Variants in TMEM44 observed in about 807,000 individuals in gnomAD.
TMEM44 encodes transmembrane protein 44.
A neutral mutation model predicts 47.8 loss-of-function variants in TMEM44; 43 were observed. The ratio of observed to expected loss-of-function variants is 0.90; its 90% CI spans 0.70 to 1.16. TMEM44 has a LOEUF of 1.16. Ranked by LOEUF, TMEM44 falls within the 50% of genes most tolerant of loss-of-function variation. The pLI is 0.00. For missense variants in TMEM44, 568 were observed against 555.2 expected (o/e 1.02, Z -0.23); for synonymous variants, 277 against 238.8 (o/e 1.16, Z -1.48).
At chr3:194,593,988 A>AT (rs926314799) in intron 9 of TMEM44, among the ~76,000 whole-genome samples, 2 of 151,448 alleles carry the variant, frequency 1.3e-5, no homozygotes, top group African/African-American at 2.4e-5. Context: ...CATTTATTTT[A>AT]TTTTTTTAGT....
Position 194,615,616 on chromosome 3 carries a change from T to G in TMEM44, c.865A>C (p.Thr289Pro), listed in dbSNP as rs1452479379. ...TCTGCACAGGTCAAAAGGGCTTGGG[T>G]GTCAGGGCTCTCTCTGGCTTCCTTG... ...FAKEARESPD[T>P]QALLTCAEKE... The change falls in exon 7 of 10, where the codon ACC (threonine) becomes CCC (proline). Residue 289 changes from threonine (T) to proline (P), a missense_variant. Thr to Pro is a conservative substitution (Grantham distance 38). Transcript: ENST00000347147. The G allele has an allele frequency of 1.9e-6, 3 of 1,614,150 alleles. No homozygotes were observed. In the South Asian group the frequency reaches 3.3e-5, roughly 18 times the overall value.
At position 194,611,251 on chromosome 3, in the gene TMEM44, T is replaced by C. The variant is rs898013423; in HGVS notation, c.913-231A>G. Reference sequence around the variant, plus strand: ...GCAACACAGTAGAATCAGCTAGGAATCTTTTTTATTTTATTTTATTTTTTG... The same window carrying C: ...GCAACACAGTAGAATCAGCTAGGAACCTTTTTTATTTTATTTTATTTTTTG... On this transcript the variant is annotated intron_variant, in intron 7 of 9. Transcript: ENST00000347147. The surrounding 1 kb of genome is among the most constrained non-coding windows in gnomAD (Gnocchi z 4.2). Among the ~76,000 whole-genome samples the C allele has an allele frequency of 6.6e-6, 1 of 152,194 alleles. No individual in the cohort carries two copies. The highest frequency in any genetic ancestry group is 2.4e-5 in the African/African-American group (1 of 41,436).
intron 9 of TMEM44, among the ~76,000 whole-genome samples, chr3:194,594,125 A>ATCTGTCTGTCTGTCTGTCTGTCTGTCTG (rs1484301999): frequency 3.3e-5 from 3 of 91,716 alleles, no homozygotes; most frequent in East Asian, 6.7e-4. Flanking sequence ...TTTTCTATCT[A>ATCTGTCTGTCTGTCTGTCTGTCTGTCTG]TCTATCTATC....
intron 9 of TMEM44, chr3:194,589,104 ATCC>A (rs1712247504): frequency 6.1e-6 from 1 of 162,682 alleles, no homozygotes; most frequent in Non-Finnish European, 1.3e-5. Flanking sequence ...GACTCAAGCA[ATCC>A]TCCTGCTTCA....
chr3:194,633,134 T>G lies in TMEM44; in HGVS notation c.82A>C (p.Ile28Leu), dbSNP rs1177286175. The G allele has an allele frequency of 3.2e-6, 5 of 1,551,506 alleles. No individual in the cohort carries two copies. The highest frequency in any genetic ancestry group is 3.9e-5 in the Admixed American group (2 of 51,440). ...GCGCAGATCCACAGGCCGAAGGAGA[T>G]GCAGACGCGGTGGCGGGCGAAGCAG... ...DRCFARHRVCISFGLWICASS... is the reference protein window; with the variant it reads ...DRCFARHRVCLSFGLWICASS... The change falls in exon 1 of 10, where the codon ATC (isoleucine) becomes CTC (leucine). Residue 28 changes from isoleucine (I) to leucine (L), a missense_variant. Physicochemically the swap from Ile to Leu is conservative, Grantham distance 5. Transcript: ENST00000347147.
At chr3:194,589,633 T>C (rs73195026) in intron 9 of TMEM44, 10,463 of 152,140 alleles carry the variant, frequency 0.069, 472 homozygotes, top group African/African-American at 0.13. Flanking sequence ...TCAGGTGGGT[T>C]TGGGAAGTTG....
intron 9 of TMEM44, among the ~76,000 whole-genome samples, chr3:194,599,098 C>T (rs1713762584): frequency 6.6e-6 from 1 of 152,212 alleles, no homozygotes; most frequent in African/African-American, 2.4e-5. Context: ...TTATGCAATT[C>T]TCTTGGGAGC....
chr3:194,618,005 C>T (rs7621122), intron 5 of TMEM44, among the ~76,000 whole-genome samples: 58,062 of 152,092 alleles, frequency 0.38, 12,111 homozygotes, highest in East Asian at 0.84. Flanking sequence ...AGAAGCCCAG[C>T]AGATGCTGGC....
intron 6 of TMEM44, among the ~76,000 whole-genome samples, chr3:194,616,074 CAG>C (rs1715853503): frequency 6.6e-6 from 1 of 151,184 alleles, no homozygotes; most frequent in Middle Eastern, 3.4e-3. Context: ...TTTTTTGAGA[CAG>C]AGTCTCGCTC....
chr3:194,624,465 C>A (rs1403754100), intron 3 of TMEM44, among the ~76,000 whole-genome samples: 1 of 152,126 alleles, frequency 6.6e-6, no homozygotes, highest in African/African-American at 2.4e-5. Flanking sequence ...GTCACCCAGG[C>A]TGGAGTGCAG....
In TMEM44 at chr3:194,588,538, A is replaced by G. The variant is rs778663043; in HGVS notation, c.1278T>C (p.Asp426=). Residue 426 remains aspartate (D), a synonymous_variant, in exon 10 of 10, where the codon GAT becomes GAC. Transcript: ENST00000347147. ...CTGGCTCCAGAAGGTGTTAATCATCATCACTCAGGTGTGCTGTCCTCACAG... is the reference window on the plus strand; with the variant it reads ...CTGGCTCCAGAAGGTGTTAATCATCGTCACTCAGGTGTGCTGTCCTCACAG... ...QDSVRTAHLS[D]DD is the part of the protein sequence containing the mutation. 6.2e-5 allele frequency: 100 copies of G among 1,613,914 alleles called. No individual in the cohort carries two copies. Among genetic ancestry groups the G allele is most frequent in the Non-Finnish European group, 8.0e-5 (94 of 1,179,962 alleles).
intron 9 of TMEM44, among the ~76,000 whole-genome samples, chr3:194,594,148 T>TATCC (rs1713104453): frequency 6.6e-6 from 1 of 150,870 alleles, no homozygotes; most frequent in Non-Finnish European, 1.5e-5. Flanking sequence ...TCTATCTATC[T>TATCC]ATCTATCTAT....
At chr3:194,622,166 G>A (rs1198728340) in intron 5 of TMEM44, among the ~76,000 whole-genome samples, 1 of 152,220 alleles carries the variant, frequency 6.6e-6, no homozygotes, top group African/African-American at 2.4e-5. Context: ...CTGTTTCTCA[G>A]GCGCTTTCGC....
chr3:194,620,503 T>G (rs1159679460), intron 5 of TMEM44, among the ~76,000 whole-genome samples: 1 of 152,136 alleles, frequency 6.6e-6, no homozygotes, highest in Non-Finnish European at 1.5e-5. Flanking sequence ...AGGTCCCAGG[T>G]GCCTGCAATG....
At chr3:194,631,911 A>G (rs1717865219) in intron 1 of TMEM44, among the ~76,000 whole-genome samples, 1 of 152,204 alleles carries the variant, frequency 6.6e-6, no homozygotes. Context: ...TAACCCCTCC[A>G]AGGTTGGCAA....
At chr3:194,628,787 C>T (rs545174463) in intron 1 of TMEM44, among the ~76,000 whole-genome samples, 9 of 152,130 alleles carry the variant, frequency 5.9e-5, no homozygotes, top group African/African-American at 9.7e-5. Flanking sequence ...CAAATCAGGA[C>T]GGCTCCATTT....
chr3:194,619,397 C>T (rs1299289704), intron 5 of TMEM44, among the ~76,000 whole-genome samples: 3 of 152,252 alleles, frequency 2.0e-5, no homozygotes, highest in South Asian at 2.1e-4. Flanking sequence ...GCCTTGCCTA[C>T]AGACAGGATG....
intron 5 of TMEM44, among the ~76,000 whole-genome samples, chr3:194,619,163 C>A (rs148926575): frequency 6.6e-6 from 1 of 152,248 alleles, no homozygotes; most frequent in Non-Finnish European, 1.5e-5. Flanking sequence ...ATGAACTGCA[C>A]GGGGAAGCCC....
rs143297948 is a variant in TMEM44 at position 194,593,029 on chromosome 3, G to C, written c.1177-4390C>G. The C allele has an allele frequency of 1.0e-4, 163 of 1,613,814 alleles. 1 individual carries two copies. In the East Asian group the frequency reaches 3.1e-3, roughly 30 times the overall value. Reference sequence around the variant, plus strand: ...GTCCCTCCTGGAAGAGAAAGAGCATGATCGTCCATACCTGCTCCGAGTTTA... The same window carrying C: ...GTCCCTCCTGGAAGAGAAAGAGCATCATCGTCCATACCTGCTCCGAGTTTA... On this transcript the variant is annotated intron_variant, in intron 9 of 9. Coordinates refer to ENST00000347147, the MANE Select transcript of TMEM44 (RefSeq NM_001011655.3).
Sources: gnomAD v4.1 joint callset for allele counts (sites outside exome capture counted in the v4.1 genomes callset) on GRCh38, gnomAD v4.1.1 for gene constraint, Gnocchi (gnomAD v3.1) non-coding constraint, MANE v1.5 for transcripts, NCBI Gene and HGNC (gene_info 2026-07-23, HGNC 2026-07-21) for gene names.